The following DAB2 variants were observed in gnomAD, a reference collection of about 807,000 sequenced individuals.
The protein encoded by DAB2 is DAB adaptor protein 2.
In DAB2, 28 loss-of-function variants were observed where a neutral mutation model predicts 71.6. The observed-to-expected ratio is 0.39, with a 90% CI of 0.29 to 0.54. DAB2 has a LOEUF of 0.54. Among genes scored for constraint, DAB2 ranks in the 20% least tolerant of loss-of-function variants. The pLI is 0.68. For missense variants in DAB2, 867 were observed against 928.8 expected, an observed-to-expected ratio of 0.93 and a Z score of 0.86; for synonymous variants, 345 against 339.7, an observed-to-expected ratio of 1.02 and a Z score of -0.17.
chr5:39,401,048 T>C (rs1755485346), intron 1 of DAB2, among the ~76,000 whole-genome samples: 1 of 152,208 alleles, frequency 6.6e-6, no homozygotes. Context: ...GTAGCAAAGT[T>C]AGACTGTTTC....
chr5:39,405,997 G>C (rs1319797081), intron 1 of DAB2, among the ~76,000 whole-genome samples: 3 of 152,082 alleles, frequency 2.0e-5, no homozygotes, highest in Non-Finnish European at 4.4e-5. Context: ...TTTATTATGG[G>C]GTTGGAAGAG....
Position 39,377,088 on chromosome 5 carries a change from G to C in DAB2, c.1699C>G (p.Pro567Ala), listed in dbSNP as rs766510417. ...QPSPFAASTPPPVPVVWGPSA... is the reference protein window; with the variant it reads ...QPSPFAASTPAPVPVVWGPSA... ...GGGCCCCAGACAACAGGCACTGGAG[G>C]GGGAGTTGAGGCTGCAAAGGGTGAA... The change falls in exon 12 of 15, where the codon CCT becomes GCT. Residue 567 changes from proline (P) to alanine (A), a missense_variant. Physicochemically the swap from Pro to Ala is conservative, Grantham distance 27 (BLOSUM62 -1). Coordinates refer to ENST00000320816, the MANE Select transcript of DAB2 (RefSeq NM_001343.4). The C allele has an allele frequency of 1.9e-6, 3 of 1,614,162 alleles. No individual in the cohort carries two copies. Among genetic ancestry groups the C allele is most frequent in the Non-Finnish European group, 2.5e-6 (3 of 1,180,024 alleles).
At chr5:39,401,646 T>C (rs1755500677) in intron 1 of DAB2, among the ~76,000 whole-genome samples, 1 of 152,244 alleles carries the variant, frequency 6.6e-6, no homozygotes, top group South Asian at 2.1e-4. Flanking sequence ...TAGCGACAGC[T>C]GCACCTGGCT....
chr5:39,381,409 G>A (rs145269554), intron 11 of DAB2, 45 bp downstream of exon 11: 159 of 1,579,292 alleles, frequency 1.0e-4, no homozygotes, highest in Non-Finnish European at 1.3e-4. Flanking sequence ...CATTTTATGA[G>A]CAAAAGCAAA....
chr5:39,406,661 A>C (rs1332012178), intron 1 of DAB2, among the ~76,000 whole-genome samples: 1 of 152,244 alleles, frequency 6.6e-6, no homozygotes, highest in African/African-American at 2.4e-5. Flanking sequence ...AAGTGTTCAT[A>C]GGCAACTGGA....
intron 1 of DAB2, among the ~76,000 whole-genome samples, chr5:39,418,557 T>C: frequency 6.6e-6 from 1 of 152,178 alleles, no homozygotes; most frequent in East Asian, 1.9e-4. Flanking sequence ...ATGGATTAAC[T>C]ATAGACCTTA....
At chr5:39,417,193 T>C (rs1201197696) in intron 1 of DAB2, 4 of 152,060 alleles carry the variant, frequency 2.6e-5, no homozygotes, top group African/African-American at 7.2e-5. Flanking sequence ...AAATACCTAA[T>C]GTAGGTGATG....
At chr5:39,388,230 A>C in intron 9 of DAB2, 75 bp downstream of exon 9, 2 of 1,079,276 alleles carry the variant, frequency 1.9e-6, no homozygotes, top group Admixed American at 4.1e-5. Flanking sequence ...TGAGATGCTT[A>C]AGATTTCTGG....
chr5:39,386,060 A>T (rs564002187), intron 9 of DAB2, among the ~76,000 whole-genome samples: 101 of 152,308 alleles, frequency 6.6e-4, no homozygotes, highest in Middle Eastern at 6.8e-3. Flanking sequence ...ACCAGATTTA[A>T]TCTCCTTGAT....
chr5:39,420,409 ATT>A (rs1755952596), intron 1 of DAB2, among the ~76,000 whole-genome samples: 1 of 152,124 alleles, frequency 6.6e-6, no homozygotes, highest in African/African-American at 2.4e-5. Context: ...GCATTCTAGG[ATT>A]GTTACTTCCT....
chr5:39,402,918 A>G (rs1755535192), intron 1 of DAB2, among the ~76,000 whole-genome samples: 2 of 152,232 alleles, frequency 1.3e-5, no homozygotes, highest in African/African-American at 4.8e-5. Context: ...CTACGTCATT[A>G]TCACGGACAG....
At position 39,377,108 on chromosome 5, in the gene DAB2, G is replaced by T; in HGVS notation, c.1679C>A (p.Pro560His). 1 of 1,614,180 alleles carries T rather than the reference G, an allele frequency of 6.2e-7. No individual in the cohort carries two copies. The change falls in exon 12 of 15, where the codon CCC (proline) becomes CAC (histidine). Residue 560 changes from proline (P) to histidine (H), a missense_variant. Pro to His is a moderately conservative substitution (Grantham distance 77, BLOSUM62 -2). Coordinates refer to ENST00000320816, the MANE Select transcript of DAB2 (RefSeq NM_001343.4). ...PAVSGWNQPS[P>H]FAASTPPPVP... Reference sequence around the variant, plus strand: ...TGGAGGGGGAGTTGAGGCTGCAAAGGGTGAAGGCTGGTTCCAACCTGAAAC... The same window carrying T: ...TGGAGGGGGAGTTGAGGCTGCAAAGTGTGAAGGCTGGTTCCAACCTGAAAC...
chr5:39,415,563 A>G (rs1404420238), intron 1 of DAB2, among the ~76,000 whole-genome samples: 1 of 152,182 alleles, frequency 6.6e-6, no homozygotes, highest in African/African-American at 2.4e-5. Context: ...CAAACATTGA[A>G]CCTCAGATTT....
intron 1 of DAB2, among the ~76,000 whole-genome samples, chr5:39,415,068 C>T (rs1755816966): frequency 6.6e-6 from 1 of 152,048 alleles, no homozygotes; most frequent in South Asian, 2.1e-4. Flanking sequence ...AATAATACTT[C>T]ATAAAAGGAA....
Position 39,423,829 on chromosome 5 carries a change from C to T in DAB2, c.-102+975G>A, listed in dbSNP as rs1756041783. 5 of 152,210 alleles carry T rather than the reference C, an allele frequency of 3.3e-5. No individual in the cohort carries two copies. The South Asian group carries it at 8.3e-4, about 25-fold the overall frequency. 9.4% of individuals were successfully genotyped at this position (152,210 alleles called of 1,614,324 possible). ...GCCCCTCCATAATTTTTAAGTCTTT[C>T]CATGTGTCTGGAAGCTTGTTTCTGC... On this transcript the variant is annotated intron_variant, in intron 1 of 14. Transcript: ENST00000320816.
intron 12 of DAB2, 77 bp downstream of exon 12, chr5:39,376,573 A>G: frequency 6.5e-7 from 1 of 1,532,726 alleles, no homozygotes; most frequent in Non-Finnish European, 8.8e-7. Flanking sequence ...GAGAGGGTTC[A>G]TTTGGGGAAC....
chr5:39,390,732 C>G (rs1181898328), intron 4 of DAB2, among the ~76,000 whole-genome samples, 157 bp from the exon 5 acceptor site: 1 of 152,154 alleles, frequency 6.6e-6, no homozygotes, highest in Non-Finnish European at 1.5e-5. Context: ...TAGAGCATTA[C>G]TCTTTCTAGA....
chr5:39,376,141 A>G (rs1374391845), intron 12 of DAB2, 35 bp from the exon 13 acceptor site: 3 of 1,546,170 alleles, frequency 1.9e-6, no homozygotes, highest in African/African-American at 1.4e-5. Context: ...TCAGTAGACA[A>G]GCTTTCCCCA....
intron 1 of DAB2, chr5:39,408,726 A>G (rs1051247145): frequency 6.6e-6 from 1 of 152,154 alleles, no homozygotes; most frequent in Non-Finnish European, 1.5e-5. Flanking sequence ...CTTGATATTT[A>G]TTTGTCAAAT....
Sources: gnomAD v4.1 joint callset for allele counts (sites outside exome capture counted in the v4.1 genomes callset) on GRCh38, gnomAD v4.1.1 for gene constraint, MANE v1.5 for transcripts, NCBI Gene and HGNC (gene_info 2026-07-23, HGNC 2026-07-21) for gene names.